The following SUGCT variants were observed in gnomAD, a reference collection of about 807,000 sequenced individuals.
The protein encoded by SUGCT is succinyl-CoA:glutarate-CoA transferase.
SUGCT carries 41 observed loss-of-function variants against 55.0 expected under a neutral mutation model. The observed-to-expected ratio is 0.74, with a 90% CI of 0.58 to 0.97. The LOEUF is 0.97. Among genes scored for constraint, SUGCT ranks in the 50% least tolerant of loss-of-function variants. The pLI is 0.00. For synonymous variants in SUGCT, 187 were observed against 200.4 expected, an observed-to-expected ratio of 0.93 and a Z score of 0.56; for missense variants, 568 against 547.8, an observed-to-expected ratio of 1.04 and a Z score of -0.37.
At chr7:40,295,692 G>A (rs1794091163) in intron 8 of SUGCT, among the ~76,000 whole-genome samples, 1 of 152,116 alleles carries the variant, frequency 6.6e-6, no homozygotes, top group South Asian at 2.1e-4. Context: ...ATAATGTTGT[G>A]GCTTCGGATG....
At chr7:40,706,151 A>G (rs13235741) in intron 12 of SUGCT, among the ~76,000 whole-genome samples, 48,208 of 152,032 alleles carry the variant, frequency 0.32, 8,009 homozygotes, top group African/African-American at 0.42. Flanking sequence ...ATTTATATTT[A>G]AAGACATTTA....
the SUGCT span, among the ~76,000 whole-genome samples, chr7:40,868,219 G>A: frequency 6.6e-6 from 1 of 152,054 alleles, no homozygotes; most frequent in Non-Finnish European, 1.5e-5. Context: ...AAAAATACGG[G>A]ATACATGTGC....
At chr7:40,590,167 C>T (rs575804911) in intron 12 of SUGCT, among the ~76,000 whole-genome samples, 5 of 152,166 alleles carry the variant, frequency 3.3e-5, no homozygotes, top group Non-Finnish European at 4.4e-5. Flanking sequence ...TAGAAGATGC[C>T]GAACTTAATA....
chr7:40,978,825 T>A, the SUGCT span, among the ~76,000 whole-genome samples: 1 of 151,938 alleles, frequency 6.6e-6, no homozygotes, highest in South Asian at 2.1e-4. Flanking sequence ...ACGAGTAAGG[T>A]CTTTGAAATG....
chr7:41,011,663 G>A, the SUGCT span, among the ~76,000 whole-genome samples: 9 of 152,306 alleles, frequency 5.9e-5, no homozygotes, highest in Admixed American at 2.6e-4. Flanking sequence ...AAAACTCAAG[G>A]TGAGAAAAAG....
chr7:40,733,675 G>A (rs746139903), intron 12 of SUGCT, among the ~76,000 whole-genome samples: 2 of 152,172 alleles, frequency 1.3e-5, no homozygotes, highest in Admixed American at 1.3e-4. Flanking sequence ...GTAGCCACAG[G>A]ACTGTCACTT....
intron 12 of SUGCT, among the ~76,000 whole-genome samples, chr7:40,530,481 T>C (rs1221824622): frequency 6.6e-6 from 1 of 152,166 alleles, no homozygotes; most frequent in African/African-American, 2.4e-5. Flanking sequence ...ATGCTTACAA[T>C]TTAGCTTTGT....
intron 13 of SUGCT, among the ~76,000 whole-genome samples, chr7:40,821,926 C>T (rs1792041418): frequency 6.6e-6 from 1 of 152,160 alleles, no homozygotes; most frequent in Non-Finnish European, 1.5e-5. Context: ...CCTCTACACA[C>T]TGCTTTAAAT....
At chr7:40,608,761 A>G (rs1045784464) in intron 12 of SUGCT, among the ~76,000 whole-genome samples, 4 of 152,178 alleles carry the variant, frequency 2.6e-5, no homozygotes, top group Admixed American at 2.6e-4. Flanking sequence ...ATAAGCTTAC[A>G]AAGTCTGTTT....
At chr7:40,819,082 A>G (rs552004121) in intron 13 of SUGCT, among the ~76,000 whole-genome samples, 16 of 152,042 alleles carry the variant, frequency 1.1e-4, no homozygotes, top group Non-Finnish European at 2.4e-4. Flanking sequence ...TACAAAGGAC[A>G]TGAAATCCTT....
At chr7:40,967,659 C>A in the SUGCT span, among the ~76,000 whole-genome samples, 3 of 150,418 alleles carry the variant, frequency 2.0e-5, no homozygotes, top group African/African-American at 7.4e-5. Context: ...CTTGCTCTGT[C>A]GCCCAGGCTG....
At chr7:40,882,596 C>A in the SUGCT span, among the ~76,000 whole-genome samples, 1 of 152,144 alleles carries the variant, frequency 6.6e-6, no homozygotes, top group African/African-American at 2.4e-5. Context: ...GATTAAGGCT[C>A]ACACTAATTG....
intron 9 of SUGCT, among the ~76,000 whole-genome samples, chr7:40,433,462 C>T (rs1048198342): frequency 2.0e-5 from 3 of 152,022 alleles, no homozygotes; most frequent in African/African-American, 7.2e-5. Context: ...GTCCATATCT[C>T]TATTTCTATT....
At chr7:40,521,440 G>C (rs938518530) in intron 12 of SUGCT, among the ~76,000 whole-genome samples, 5 of 152,066 alleles carry the variant, frequency 3.3e-5, no homozygotes, top group Admixed American at 6.6e-5. Context: ...TCTCTTGGAA[G>C]TCTCTTAGTA....
At chr7:40,582,247 CA>C in intron 12 of SUGCT, among the ~76,000 whole-genome samples, 1 of 152,238 alleles carries the variant, frequency 6.6e-6, no homozygotes, top group Middle Eastern at 3.4e-3. Context: ...CCATCCCCTT[CA>C]AAATGGTGTT....
At chr7:40,704,547 G>T (rs1785309504) in intron 12 of SUGCT, among the ~76,000 whole-genome samples, 1 of 152,090 alleles carries the variant, frequency 6.6e-6, no homozygotes, top group South Asian at 2.1e-4. Flanking sequence ...AGCTGTCAGG[G>T]TCAATGGCCA....
intron 12 of SUGCT, among the ~76,000 whole-genome samples, chr7:40,616,509 C>G (rs530936839): frequency 7.4e-4 from 113 of 152,316 alleles, no homozygotes; most frequent in Non-Finnish European, 6.5e-4. Context: ...ATGAGAAAAT[C>G]AAAGCGAAAT....
chr7:40,633,568 G>A (rs906030921), intron 12 of SUGCT, among the ~76,000 whole-genome samples: 2 of 152,160 alleles, frequency 1.3e-5, no homozygotes, highest in African/African-American at 2.4e-5. Flanking sequence ...CTTTTAGCAG[G>A]TGCTTGGTAC....
chr7:40,711,686 C>T lies in SUGCT; in HGVS notation c.1090-37748C>T, dbSNP rs570577596. ...CTTCAGCGCTGCTGCCCGCAGAGTT[C>T]GCTGCTCCCTATGGAACCTTATCAC... is the stretch of plus-strand genomic sequence containing the variant. On this transcript the variant is annotated intron_variant, in intron 12 of 13. Coordinates refer to ENST00000335693, the MANE Select transcript of SUGCT (RefSeq NM_001193313.2). Among the ~76,000 whole-genome samples, 15 of 152,276 alleles carry T rather than the reference C, an allele frequency of 9.9e-5. No homozygotes were observed. The South Asian group carries it at 2.1e-3, about 21-fold the overall frequency.
Sources: allele counts gnomAD v4.1 joint callset (sites outside exome capture counted in the v4.1 genomes callset), GRCh38; gene constraint gnomAD v4.1.1; transcripts MANE v1.5; gene names NCBI Gene and HGNC (gene_info 2026-07-23, HGNC 2026-07-21).